Variants in ALAD observed in about 807,000 individuals in gnomAD.
The protein encoded by ALAD is aminolevulinate dehydratase, also known as delta-aminolevulinic acid dehydratase.
In ALAD, 20 loss-of-function variants were observed where a neutral mutation model predicts 44.4. The ratio of observed to expected loss-of-function variants is 0.45; its 90% CI spans 0.32 to 0.65. The LOEUF is 0.65. Ranked by LOEUF, ALAD falls within the 30% of genes least tolerant of loss-of-function variation. ALAD has a pLI of 0.05. For missense variants in ALAD, 323 were observed against 445.7 expected, an observed-to-expected ratio of 0.72 and a Z score of 2.48; for synonymous variants, 156 against 167.9, an observed-to-expected ratio of 0.93 and a Z score of 0.55.
rs369272180 is a variant in ALAD, at chr9:113,388,060, G to A, written c.*240C>T. On this transcript the variant is annotated 3_prime_UTR_variant, in exon 12 of 12. Coordinates refer to ENST00000409155, the MANE Select transcript of ALAD (RefSeq NM_000031.6). ...AAAGAGCTGAGGGTGGCAAAGGTGGGCCTCACGGCTGACCCAGGGGAGGGG... is the reference window on the plus strand; with the variant it reads ...AAAGAGCTGAGGGTGGCAAAGGTGGACCTCACGGCTGACCCAGGGGAGGGG... 21 of 560,544 alleles carry A rather than the reference G, an allele frequency of 3.7e-5. No individual in the cohort carries two copies. The highest frequency in any genetic ancestry group is 3.5e-4 in the East Asian group (11 of 31,552). The allele number at this position is 560,544 out of a possible 1,614,324, so 34.7% of individuals were successfully genotyped here. A position where few individuals can be genotyped will look rare whatever the true frequency, so the allele number is the denominator to read the frequency against.
rs1827429179 is a variant in ALAD, at chr9:113,387,508, G to A, written c.*792C>T. The stretch of plus-strand genomic sequence containing the variant: ...GCTTTATTTCTTTGTTTTCTTCTTA[G>A]CTGTCTCCCCAATTCTCTTTGTATA... On this transcript the variant is annotated 3_prime_UTR_variant, in exon 12 of 12. Transcript: ENST00000409155. The A allele has an allele frequency of 6.6e-6, 1 of 152,134 alleles. No individual in the cohort carries two copies. Among genetic ancestry groups the A allele is most frequent in the African/African-American group, 2.4e-5 (1 of 41,402 alleles). 9.4% of individuals were successfully genotyped at this position (152,134 alleles called of 1,614,324 possible).
Position 113,391,537 on chromosome 9 carries a change from C to T in ALAD, c.251G>A (p.Arg84Lys), listed in dbSNP as rs149572240. The change falls in exon 4 of 12, where the codon AGA becomes AAA. Residue 84 changes from arginine to lysine, a missense_variant. Arg to Lys is a conservative substitution (Grantham distance 26, BLOSUM62 2). Transcript: ENST00000409155. ...CCTTTGATTCTTCACCTTGGGAACT[C>T]TGCTGGGGACGCCAAAGATCAAGAC... is the stretch of plus-strand genomic sequence containing the variant. The part of the protein sequence containing the change: ...RCVLIFGVPS[R>K]VPKDERGSAA... The T allele has an allele frequency of 5.4e-5, 87 of 1,614,086 alleles. No individual in the cohort carries two copies. The African/African-American group carries it at 1.0e-3, about 19-fold the overall frequency.
chr9:113,396,332 G>A (rs1026576357), intron 1 of ALAD: 16 of 150,074 alleles, frequency 1.1e-4, no homozygotes, highest in African/African-American at 3.9e-4. Flanking sequence ...AGGTTGCAGT[G>A]AGCCGAGAGT....
intron 7 of ALAD, among the ~76,000 whole-genome samples, chr9:113,390,039 T>TTA (rs1486572823): frequency 6.7e-6 from 1 of 150,252 alleles, no homozygotes; most frequent in Non-Finnish European, 1.5e-5. Context: ...CTGTGATTCT[T>TTA]TTTTTTTTTG....
chr9:113,389,939 G>T, intron 7 of ALAD, 111 bp from the exon 8 acceptor site: 1 of 1,334,786 alleles, frequency 7.5e-7, no homozygotes, highest in Non-Finnish European at 1.1e-6. Context: ...CCTGTGTTCT[G>T]GTCCTGTTGG....
chr9:113,395,301 G>A (rs1229364284), intron 1 of ALAD, among the ~76,000 whole-genome samples: 2 of 152,088 alleles, frequency 1.3e-5, no homozygotes, highest in East Asian at 3.9e-4. Flanking sequence ...TCTCCCCACA[G>A]CCTCCCCGCA....
At chr9:113,395,472 C>T (rs1014200769) in intron 1 of ALAD, among the ~76,000 whole-genome samples, 2 of 152,242 alleles carry the variant, frequency 1.3e-5, no homozygotes, top group African/African-American at 4.8e-5. Flanking sequence ...GCCTCCCCTA[C>T]AGTGCTCTGT....
chr9:113,389,206 C>T (rs934632094), intron 10 of ALAD, 100 bp from the exon 11 acceptor site: 53 of 1,543,090 alleles, frequency 3.4e-5, no homozygotes, highest in Admixed American at 1.7e-4. Context: ...TCTTGAGCCC[C>T]GTGTCCTGGG....
chr9:113,394,529 C>A (rs1023304692), intron 1 of ALAD, among the ~76,000 whole-genome samples: 1 of 150,714 alleles, frequency 6.6e-6, no homozygotes, highest in Non-Finnish European at 1.5e-5. Context: ...GAGAGGGAGA[C>A]GTCTCTAAAA....
Position 113,386,570 on chromosome 9 carries a change from G to C in ALAD, c.*1730C>G, listed in dbSNP as rs1338097677. ...ATGCAAACCCATCACATAAATGGAG[G>C]GGTGTCTATAAAACATTGTTAGACC... On this transcript the variant is annotated 3_prime_UTR_variant, in exon 12 of 12. Transcript: ENST00000409155. 6.6e-6 allele frequency: 1 copy of C among 152,104 alleles called. No individual in the cohort carries two copies. Among genetic ancestry groups the C allele is most frequent in the Non-Finnish European group, 1.5e-5 (1 of 68,018 alleles). The allele number at this position is 152,104 out of a possible 1,614,324, so 9.4% of individuals were successfully genotyped here.
intron 2 of ALAD, chr9:113,393,067 C>G (rs1359192540): frequency 4.3e-6 from 1 of 231,772 alleles, no homozygotes; most frequent in East Asian, 1.0e-4. Context: ...ATCCGCCTGC[C>G]TCAGCCTCCC....
intron 3 of ALAD, 100 bp downstream of exon 3, chr9:113,392,019 G>C: frequency 6.8e-6 from 8 of 1,185,118 alleles, no homozygotes; most frequent in Non-Finnish European, 9.8e-6. Context: ...CTGTCTGTCC[G>C]CATCTTCTAC....
At chr9:113,392,203 C>T (rs1427345913) in intron 2 of ALAD, 34 bp from the exon 3 acceptor site, 1 of 1,613,670 alleles carries the variant, frequency 6.2e-7, no homozygotes, top group Non-Finnish European at 8.5e-7. Flanking sequence ...GGATTGGTAG[C>T]TGTGGGAAGG....
At chr9:113,391,810 G>A (rs1272304505) in intron 3 of ALAD, among the ~76,000 whole-genome samples, 187 bp from the exon 4 acceptor site, 3 of 152,338 alleles carry the variant, frequency 2.0e-5, no homozygotes, top group African/African-American at 7.2e-5. Context: ...GCCCTGAGTA[G>A]CAGAGCTCCG....
chr9:113,399,357 T>C (rs1827805158), intron 1 of ALAD, among the ~76,000 whole-genome samples: 1 of 152,230 alleles, frequency 6.6e-6, no homozygotes, highest in African/African-American at 2.4e-5. Context: ...CGAGATGTCC[T>C]GGCACAGCTC....
At chr9:113,398,453 C>T (rs1438288993) in intron 1 of ALAD, among the ~76,000 whole-genome samples, 1 of 152,192 alleles carries the variant, frequency 6.6e-6, no homozygotes, top group Non-Finnish European at 1.5e-5. Flanking sequence ...CTGGCTCCTG[C>T]TTAGCAGAAA....
chr9:113,400,563 C>T (rs1285505590), intron 1 of ALAD, among the ~76,000 whole-genome samples: 1 of 152,186 alleles, frequency 6.6e-6, no homozygotes. Flanking sequence ...TGGCTCACGC[C>T]TGTAATCCCA....
At position 113,393,388 on chromosome 9, in the gene ALAD, C is replaced by T; in HGVS notation, c.113+59G>A. The T allele has an allele frequency of 1.9e-5, 23 of 1,234,214 alleles. 1 individual carries two copies. The highest frequency in any genetic ancestry group is 2.7e-5 in the Non-Finnish European group (23 of 863,114). 76.5% of individuals were successfully genotyped at this position (1,234,214 alleles called of 1,614,324 possible). On this transcript the variant is annotated intron_variant, in intron 2 of 11. Transcript: ENST00000409155. ...TGATGCCCGCTCCAGTCAACACTCC[C>T]TCCCCAACCCCAACCCCAACCAGCA...
At chr9:113,391,898 C>T (rs1827595691) in intron 3 of ALAD, among the ~76,000 whole-genome samples, 1 of 152,222 alleles carries the variant, frequency 6.6e-6, no homozygotes, top group African/African-American at 2.4e-5. Context: ...CTGCAACAGC[C>T]TCTGCCACGA....
Sources: gnomAD v4.1 joint callset for allele counts (sites outside exome capture counted in the v4.1 genomes callset) on GRCh38, gnomAD v4.1.1 for gene constraint, MANE v1.5 for transcripts, NCBI Gene and HGNC (gene_info 2026-07-23, HGNC 2026-07-21) for gene names.